ZNF385B: variants seen among roughly 807,000 people sequenced by gnomAD.
ZNF385B encodes the protein zinc finger protein 533.
Under a neutral mutation model 39.2 loss-of-function variants are expected in ZNF385B, and 23 were observed. That is an observed-to-expected ratio of 0.59 (90% CI 0.42 to 0.83). The LOEUF (loss-of-function observed/expected upper bound fraction) is 0.83. Among genes scored for constraint, ZNF385B ranks in the 40% least tolerant of loss-of-function variants. The pLI, the probability that ZNF385B is intolerant of heterozygous loss-of-function variation, is 0.00. For missense variants in ZNF385B, 552 were observed against 598.9 expected (o/e 0.92, Z 0.82); for synonymous variants, 205 against 222.6 (o/e 0.92, Z 0.70).
At chr2:179,764,479 T>C (rs1181762070) in intron 3 of ZNF385B, among the ~76,000 whole-genome samples, 1 of 152,132 alleles carries the variant, frequency 6.6e-6, no homozygotes, top group Non-Finnish European at 1.5e-5. Flanking sequence ...GACATTTTAT[T>C]ATTTGCTTTC....
chr2:179,702,482 G>C (rs923213433), intron 3 of ZNF385B, among the ~76,000 whole-genome samples: 1 of 152,158 alleles, frequency 6.6e-6, no homozygotes, highest in Non-Finnish European at 1.5e-5. Flanking sequence ...TTATTGAAAA[G>C]CGATCCACGT....
intron 1 of ZNF385B, among the ~76,000 whole-genome samples, chr2:179,819,729 A>G (rs1372924626): frequency 6.6e-6 from 1 of 152,194 alleles, no homozygotes; most frequent in Non-Finnish European, 1.5e-5. Flanking sequence ...GACAGGTCAA[A>G]GGTCTTTTGG....
At chr2:179,774,083 G>C (rs549813899) in intron 1 of ZNF385B, among the ~76,000 whole-genome samples, 1 of 151,542 alleles carries the variant, frequency 6.6e-6, no homozygotes, top group East Asian at 1.9e-4. Context: ...TGGTATGTGC[G>C]GGGGTGTATA....
At chr2:179,665,692 G>A (rs1177748612) in intron 3 of ZNF385B, among the ~76,000 whole-genome samples, 1 of 152,166 alleles carries the variant, frequency 6.6e-6, no homozygotes, top group African/African-American at 2.4e-5. Flanking sequence ...CCACCAGACA[G>A]AGCACCAGCT....
chr2:179,673,756 T>C (rs1431444604), intron 3 of ZNF385B, among the ~76,000 whole-genome samples: 2 of 152,214 alleles, frequency 1.3e-5, no homozygotes, highest in Non-Finnish European at 2.9e-5. Context: ...TTAAGTGGAA[T>C]CTGTTTAATC....
chr2:179,780,922 C>G (rs1018323269), intron 1 of ZNF385B, among the ~76,000 whole-genome samples: 2 of 152,160 alleles, frequency 1.3e-5, no homozygotes, highest in African/African-American at 4.8e-5. Context: ...AGATAAATAA[C>G]ACTTTTCCCA....
At chr2:179,504,338 C>A (rs1160473842) in intron 5 of ZNF385B, among the ~76,000 whole-genome samples, 1 of 151,754 alleles carries the variant, frequency 6.6e-6, no homozygotes, top group Non-Finnish European at 1.5e-5. Flanking sequence ...AATAAACATA[C>A]GTGTGCATGT....
intron 6 of ZNF385B, among the ~76,000 whole-genome samples, chr2:179,454,831 T>G (rs1050268902): frequency 8.5e-5 from 13 of 152,208 alleles, no homozygotes; most frequent in Non-Finnish European, 1.3e-4. Flanking sequence ...GTGTTTATGT[T>G]TTAAGCTAAG....
intron 4 of ZNF385B, among the ~76,000 whole-genome samples, chr2:179,538,708 C>T (rs1361050541): frequency 1.3e-5 from 2 of 152,044 alleles, no homozygotes; most frequent in African/African-American, 4.8e-5. Flanking sequence ...TTGCTCATGT[C>T]TCAGGAAAAA....
chr2:179,580,901 C>A (rs1323208713), intron 3 of ZNF385B, among the ~76,000 whole-genome samples: 1 of 152,140 alleles, frequency 6.6e-6, no homozygotes, highest in Non-Finnish European at 1.5e-5. Context: ...TGTGGTCTGA[C>A]AAATCACATG....
intron 6 of ZNF385B, among the ~76,000 whole-genome samples, chr2:179,481,829 T>C (rs1574364836): frequency 6.6e-6 from 1 of 152,298 alleles, no homozygotes; most frequent in East Asian, 1.9e-4. Context: ...AAACATTGGG[T>C]AGCCTCCAGC....
At chr2:179,584,624 A>G (rs1686894554) in intron 3 of ZNF385B, among the ~76,000 whole-genome samples, 2 of 152,180 alleles carry the variant, frequency 1.3e-5, no homozygotes, top group African/African-American at 4.8e-5. Context: ...GGAGTGGGGA[A>G]GTATGCATGA....
At chr2:179,618,224 T>A (rs1372032653) in intron 3 of ZNF385B, among the ~76,000 whole-genome samples, 1 of 152,214 alleles carries the variant, frequency 6.6e-6, no homozygotes, top group African/African-American at 2.4e-5. Flanking sequence ...TTACTAATGA[T>A]TATAATTTTA....
chr2:179,850,043 C>T (rs1261513980), intron 1 of ZNF385B, among the ~76,000 whole-genome samples: 1 of 152,090 alleles, frequency 6.6e-6, no homozygotes, highest in Non-Finnish European at 1.5e-5. Context: ...GTGCCTTTTG[C>T]TGTTAAATGA....
rs2049092436 is a variant in ZNF385B at position 179,442,959 on chromosome 2, T to C, written c.*291A>G. On this transcript the variant is annotated 3_prime_UTR_variant, in exon 10 of 10. Transcript: ENST00000410066. The stretch of plus-strand genomic sequence containing the variant: ...TTTCTTTCTTTTTCTTTCTGACCAA[T>C]ACATGCTCAAGAAATCAAATATCTG... 1 of 500,644 alleles carries C rather than the reference T, an allele frequency of 2.0e-6. No individual in the cohort carries two copies. Among genetic ancestry groups the C allele is most frequent in the South Asian group, 2.1e-5 (1 of 46,544 alleles). The allele number at this position is 500,644 out of a possible 1,614,324, so 31.0% of individuals were successfully genotyped here. A position where few individuals can be genotyped will look rare whatever the true frequency, so the allele number is the denominator to read the frequency against.
intron 3 of ZNF385B, among the ~76,000 whole-genome samples, chr2:179,632,611 A>C (rs1691338568): frequency 1.3e-5 from 2 of 152,232 alleles, no homozygotes; most frequent in African/African-American, 4.8e-5. Context: ...AAAGATCTCA[A>C]ATTGACACCC....
intron 6 of ZNF385B, among the ~76,000 whole-genome samples, chr2:179,451,757 C>T (rs2050179482): frequency 6.6e-6 from 1 of 152,034 alleles, no homozygotes; most frequent in Admixed American, 6.6e-5. Flanking sequence ...TAGTGGCATT[C>T]TTTCTCAATA....
At chr2:179,849,573 G>GGT (rs1708975257) in intron 1 of ZNF385B, among the ~76,000 whole-genome samples, 2 of 152,284 alleles carry the variant, frequency 1.3e-5, no homozygotes, top group African/African-American at 4.8e-5. Flanking sequence ...GTATTGGGAA[G>GGT]GTAGGGTCCA....
chr2:179,611,639 T>C (rs1689298157), intron 3 of ZNF385B, among the ~76,000 whole-genome samples: 2 of 152,190 alleles, frequency 1.3e-5, no homozygotes, highest in African/African-American at 4.8e-5. Context: ...AAATGTTTAG[T>C]AAAATTCATC....
Sources: gnomAD v4.1 joint callset for allele counts (sites outside exome capture counted in the v4.1 genomes callset) on GRCh38, gnomAD v4.1.1 for gene constraint, MANE v1.5 for transcripts, NCBI Gene and HGNC (gene_info 2026-07-23, HGNC 2026-07-21) for gene names.